The following SGCZ variants were observed in gnomAD, a reference collection of about 807,000 sequenced individuals.
SGCZ encodes zeta-sarcoglycan.
In SGCZ, 40 loss-of-function variants were observed where a neutral mutation model predicts 41.3. The ratio of observed to expected loss-of-function variants is 0.97; its 90% confidence interval spans 0.75 to 1.26. The LOEUF (loss-of-function observed/expected upper bound fraction) is 1.26, where lower values mean the gene tolerates loss of function less well. SGCZ is among the 50% of genes most tolerant of loss of function. SGCZ has a pLI of 0.00. For missense variants in SGCZ, 552 were observed against 369.8 expected (o/e 1.49, Z -4.04); for synonymous variants, 206 against 137.5 (o/e 1.50, Z -3.49).
intron 2 of SGCZ, among the ~76,000 whole-genome samples, chr8:14,390,469 T>C (rs925425446): frequency 6.6e-5 from 10 of 151,796 alleles, no homozygotes; most frequent in Admixed American, 1.3e-4. Flanking sequence ...TATATGTAGA[T>C]AAATAAAAGA....
intron 1 of SGCZ, among the ~76,000 whole-genome samples, chr8:14,594,335 G>C (rs1805339723): frequency 6.6e-6 from 1 of 151,786 alleles, no homozygotes; most frequent in Non-Finnish European, 1.5e-5. Context: ...TACTGGTCCA[G>C]GTACCTAACC....
At chr8:14,338,722 G>C (rs529219378) in intron 2 of SGCZ, among the ~76,000 whole-genome samples, 3 of 152,108 alleles carry the variant, frequency 2.0e-5, no homozygotes, top group African/African-American at 7.2e-5. Flanking sequence ...ACTTTCTTAT[G>C]AAATAGAGTG....
At chr8:15,130,012 G>C in intron 1 of SGCZ, among the ~76,000 whole-genome samples, 1 of 152,076 alleles carries the variant, frequency 6.6e-6, no homozygotes. Flanking sequence ...GTATGACTAA[G>C]TAGGCCAAAA....
At position 14,419,871 on chromosome 8, in the gene SGCZ, G is replaced by C. The variant is rs977579328; in HGVS notation, c.235-95667C>G. 5.9e-5 allele frequency among the ~76,000 whole-genome samples: 9 copies of C among 151,960 alleles called. No homozygotes were observed. The East Asian group carries it at 1.7e-3, about 29-fold the overall frequency. ...GACTTGAAAGTCCAATCTTTATGCC[G>C]AAATTATTAGCGTTTGTTTCTAAAG... On this transcript the variant is annotated intron_variant, in intron 2 of 7. Coordinates refer to ENST00000382080, the MANE Select transcript of SGCZ (RefSeq NM_139167.4).
At chr8:14,611,137 T>C (rs1805914785) in intron 1 of SGCZ, among the ~76,000 whole-genome samples, 1 of 152,208 alleles carries the variant, frequency 6.6e-6, no homozygotes, top group South Asian at 2.1e-4. Flanking sequence ...TTCTTTTCTT[T>C]ATGAATATAT....
At chr8:14,307,016 A>G (rs551886260) in intron 3 of SGCZ, among the ~76,000 whole-genome samples, 4 of 152,304 alleles carry the variant, frequency 2.6e-5, no homozygotes, top group African/African-American at 9.6e-5. Context: ...TTGAAGGAGA[A>G]TATTTGCACT....
chr8:14,502,713 T>C (rs1192249910), intron 2 of SGCZ, among the ~76,000 whole-genome samples: 1 of 152,178 alleles, frequency 6.6e-6, no homozygotes, highest in Non-Finnish European at 1.5e-5. Flanking sequence ...TCATCATCAC[T>C]GGTCATTGGA....
intron 1 of SGCZ, among the ~76,000 whole-genome samples, chr8:14,993,095 T>C (rs1200606250): frequency 6.6e-6 from 1 of 152,198 alleles, no homozygotes; most frequent in African/African-American, 2.4e-5. Flanking sequence ...ATACATCCTC[T>C]TCATACTATA....
intron 1 of SGCZ, among the ~76,000 whole-genome samples, chr8:15,121,900 C>CAAA (rs55783598): frequency 0.024 from 2,982 of 126,222 alleles, 129 homozygotes; most frequent in African/African-American, 0.088. Flanking sequence ...CGGCAGTTAC[C>CAAA]AAAAAAAAAA....
intron 1 of SGCZ, among the ~76,000 whole-genome samples, chr8:14,847,775 T>G (rs1803184490): frequency 8.5e-6 from 1 of 117,092 alleles, no homozygotes; most frequent in Admixed American, 9.2e-5. Flanking sequence ...GCAGCTAACA[T>G]CATAGTTAAT....
rs913543482 is a variant in SGCZ at position 15,237,834 on chromosome 8, T to C, written c.-211A>G. 7.3e-6 allele frequency: 4 copies of C among 549,034 alleles called. No individual in the cohort carries two copies. The highest frequency in any genetic ancestry group is 3.0e-5 in the Admixed American group (1 of 33,882). 34.0% of individuals were successfully genotyped at this position (549,034 alleles called of 1,614,324 possible). ...TGATAATTCACTTTATTTTACTTCCTCAAAGATTTAGTGACAGGTGATCTC... is the reference window on the plus strand; with the variant it reads ...TGATAATTCACTTTATTTTACTTCCCCAAAGATTTAGTGACAGGTGATCTC... On this transcript the variant is annotated 5_prime_UTR_variant, in exon 1 of 8. Coordinates refer to ENST00000382080, the MANE Select transcript of SGCZ (RefSeq NM_139167.4).
chr8:14,779,688 AAAGC>A (rs1352541361), intron 1 of SGCZ, among the ~76,000 whole-genome samples: 1 of 152,250 alleles, frequency 6.6e-6, no homozygotes, highest in Non-Finnish European at 1.5e-5. Flanking sequence ...AGAACTTTAG[AAAGC>A]AATGGGCTGA....
At chr8:14,527,555 A>T (rs1417137612) in intron 2 of SGCZ, among the ~76,000 whole-genome samples, 2 of 151,060 alleles carry the variant, frequency 1.3e-5, no homozygotes, top group African/African-American at 2.5e-5. Context: ...TTTTTAAAAA[A>T]ACATCAATAG....
chr8:14,872,282 C>T (rs1488660387), intron 1 of SGCZ, among the ~76,000 whole-genome samples: 1 of 152,066 alleles, frequency 6.6e-6, no homozygotes, highest in Non-Finnish European at 1.5e-5. Context: ...CAAACCTGCA[C>T]ATTCTGCACA....
chr8:14,599,084 G>C (rs1805504461), intron 1 of SGCZ, among the ~76,000 whole-genome samples: 1 of 152,030 alleles, frequency 6.6e-6, no homozygotes, highest in African/African-American at 2.4e-5. Flanking sequence ...TCATTCAACA[G>C]CATGATCATA....
chr8:14,764,009 A>T (rs1799967151), intron 1 of SGCZ, among the ~76,000 whole-genome samples: 1 of 152,166 alleles, frequency 6.6e-6, no homozygotes, highest in African/African-American at 2.4e-5. Context: ...GCTATTCCCT[A>T]TCAAGTTCCT....
At chr8:14,133,823 C>T (rs1049749320) in intron 5 of SGCZ, among the ~76,000 whole-genome samples, 12 of 152,100 alleles carry the variant, frequency 7.9e-5, no homozygotes, top group Non-Finnish European at 1.5e-4. Context: ...ATATTAACCT[C>T]AACATGTATT....
chr8:14,495,348 T>A (rs901868818), intron 2 of SGCZ, among the ~76,000 whole-genome samples: 1 of 152,218 alleles, frequency 6.6e-6, no homozygotes, highest in Admixed American at 6.5e-5. Flanking sequence ...AAAAAATATG[T>A]CTGCTGAATA....
chr8:14,806,179 G>A (rs1269420555), intron 1 of SGCZ, among the ~76,000 whole-genome samples: 7 of 151,972 alleles, frequency 4.6e-5, no homozygotes, highest in South Asian at 4.2e-4. Context: ...AACTAGAAAA[G>A]CAAGAGCAAA....
Sources: allele counts gnomAD v4.1 joint callset (sites outside exome capture counted in the v4.1 genomes callset), GRCh38; gene constraint gnomAD v4.1.1; transcripts MANE v1.5; gene names NCBI Gene and HGNC (gene_info 2026-07-23, HGNC 2026-07-21).